CNTNAP2: variants seen among roughly 807,000 people sequenced by gnomAD.
The protein encoded by CNTNAP2 is contactin-associated protein-like 2.
CNTNAP2 carries 98 observed loss-of-function variants against 155.2 expected under a neutral mutation model. The observed-to-expected ratio is 0.63, with a 90% CI of 0.54 to 0.75. The LOEUF (loss-of-function observed/expected upper bound fraction) is 0.75, where lower values mean the gene tolerates loss of function less well. CNTNAP2 is among the 30% of genes least tolerant of loss of function. CNTNAP2 has a pLI of 0.00. For missense variants in CNTNAP2, 1,727 were observed against 1,688.1 expected (o/e 1.02, Z -0.40); for synonymous variants, 651 against 631.2 (o/e 1.03, Z -0.47).
At chr7:147,148,791 G>C (rs1052847066) in intron 8 of CNTNAP2, among the ~76,000 whole-genome samples, 2 of 151,982 alleles carry the variant, frequency 1.3e-5, no homozygotes, top group Non-Finnish European at 1.5e-5. Context: ...CACTGACTTC[G>C]GGAGTGAAGC....
At chr7:147,555,617 C>T (rs1051654615) in intron 11 of CNTNAP2, among the ~76,000 whole-genome samples, 1 of 152,166 alleles carries the variant, frequency 6.6e-6, no homozygotes, top group Non-Finnish European at 1.5e-5. Context: ...CTCTTCTGTA[C>T]AGTCAGGAAG....
intron 14 of CNTNAP2, among the ~76,000 whole-genome samples, chr7:147,916,890 C>A (rs543208995): frequency 1.2e-4 from 19 of 152,128 alleles, no homozygotes; most frequent in Non-Finnish European, 2.5e-4. Context: ...CCCATTACCC[C>A]CTCTTGATAT....
At chr7:147,601,644 A>AAAATATAT (rs1299075338) in intron 12 of CNTNAP2, among the ~76,000 whole-genome samples, 7 of 87,456 alleles carry the variant, frequency 8.0e-5, no homozygotes, top group African/African-American at 2.1e-4. Flanking sequence ...CTTAAAAAAA[A>AAAATATAT]ATATATATAT....
At chr7:147,151,696 AT>A (rs1402262891) in intron 8 of CNTNAP2, among the ~76,000 whole-genome samples, 1 of 152,172 alleles carries the variant, frequency 6.6e-6, no homozygotes, top group Non-Finnish European at 1.5e-5. Flanking sequence ...TAAAAAAAAA[AT>A]CATGTACACA....
intron 2 of CNTNAP2, among the ~76,000 whole-genome samples, chr7:146,826,165 C>T (rs1437456567): frequency 6.6e-6 from 1 of 152,008 alleles, no homozygotes; most frequent in African/African-American, 2.4e-5. Context: ...AAACAATAAA[C>T]TATATTTAGT....
intron 1 of CNTNAP2, among the ~76,000 whole-genome samples, chr7:146,428,577 C>T (rs1206169299): frequency 3.3e-5 from 5 of 151,578 alleles, no homozygotes; most frequent in African/African-American, 1.2e-4. Context: ...GTTCATTGCC[C>T]ACTTTTTAAT....
chr7:146,318,838 T>C (rs565351770), intron 1 of CNTNAP2, among the ~76,000 whole-genome samples: 1 of 152,304 alleles, frequency 6.6e-6, no homozygotes, highest in Non-Finnish European at 1.5e-5. Flanking sequence ...ATAGAAATGT[T>C]ATATATAATA....
At chr7:147,002,248 G>T (rs1393982688) in intron 3 of CNTNAP2, among the ~76,000 whole-genome samples, 2 of 152,024 alleles carry the variant, frequency 1.3e-5, no homozygotes, top group Non-Finnish European at 2.9e-5. Context: ...CTCACATAGA[G>T]ACATGTAATT....
rs887526545 is a variant in CNTNAP2, at chr7:146,775,422, A to G, written c.208+1041A>G. ...ACACCATGTTGTATACTATAAATAT[A>G]TAAATTTTTTGTGACTGCACCTTAA... On this transcript the variant is annotated intron_variant, in intron 2 of 23. Transcript: ENST00000361727. 5.3e-5 allele frequency among the ~76,000 whole-genome samples: 8 copies of G among 152,156 alleles called. No homozygotes were observed. The East Asian group carries it at 1.3e-3, about 26-fold the overall frequency.
chr7:147,931,206 G>GA (rs1554451265), intron 14 of CNTNAP2, among the ~76,000 whole-genome samples: 9 of 112,432 alleles, frequency 8.0e-5, no homozygotes, highest in African/African-American at 3.2e-4. Flanking sequence ...AATAAACAGA[G>GA]TAAAAAAAAA....
intron 15 of CNTNAP2, among the ~76,000 whole-genome samples, chr7:147,989,123 C>G (rs1183081468): frequency 6.6e-6 from 1 of 152,184 alleles, no homozygotes. Flanking sequence ...TTAGAAACCA[C>G]CTGAGATCTT....
At chr7:146,131,366 T>C (rs1350822521) in intron 1 of CNTNAP2, among the ~76,000 whole-genome samples, 2 of 152,230 alleles carry the variant, frequency 1.3e-5, no homozygotes, top group Admixed American at 6.5e-5. Flanking sequence ...TATTTTGATA[T>C]ACAGAGTAAA....
intron 1 of CNTNAP2, among the ~76,000 whole-genome samples, chr7:146,506,108 T>A (rs985972094): frequency 1.3e-5 from 2 of 152,204 alleles, no homozygotes; most frequent in Non-Finnish European, 2.9e-5. Context: ...AGGGGATGAC[T>A]GTATAGGGCA....
intron 13 of CNTNAP2, among the ~76,000 whole-genome samples, chr7:147,743,895 G>A (rs770015405): frequency 2.6e-5 from 4 of 152,020 alleles, no homozygotes; most frequent in Non-Finnish European, 5.9e-5. Flanking sequence ...TTGGTTAGGG[G>A]CCCTGGAGCC....
At chr7:146,975,475 A>G (rs1797892111) in intron 3 of CNTNAP2, among the ~76,000 whole-genome samples, 1 of 152,088 alleles carries the variant, frequency 6.6e-6, no homozygotes, top group Admixed American at 6.6e-5. Context: ...AGAAAAAATA[A>G]TAATAAACAA....
chr7:147,990,746 C>G (rs1416777381), intron 15 of CNTNAP2, among the ~76,000 whole-genome samples: 1 of 152,100 alleles, frequency 6.6e-6, no homozygotes, highest in Non-Finnish European at 1.5e-5. Context: ...GTCAAGAATT[C>G]CCTACTCTTC....
At chr7:147,433,786 A>T (rs1797503717) in intron 10 of CNTNAP2, among the ~76,000 whole-genome samples, 2 of 152,214 alleles carry the variant, frequency 1.3e-5, no homozygotes, top group Non-Finnish European at 2.9e-5. Flanking sequence ...TGAATGTCTA[A>T]AAGAAAGTCA....
At chr7:146,952,181 A>G (rs1320203330) in intron 3 of CNTNAP2, among the ~76,000 whole-genome samples, 1 of 152,206 alleles carries the variant, frequency 6.6e-6, no homozygotes, top group South Asian at 2.1e-4. Flanking sequence ...GAAAAGCTAC[A>G]TGATAATCTC....
At chr7:146,764,812 A>G (rs1390470546) in intron 1 of CNTNAP2, among the ~76,000 whole-genome samples, 1 of 152,164 alleles carries the variant, frequency 6.6e-6, no homozygotes, top group African/African-American at 2.4e-5. Flanking sequence ...TAGACAAACC[A>G]AAATAGAAAA....
Sources: gnomAD v4.1 joint callset for allele counts (sites outside exome capture counted in the v4.1 genomes callset) on GRCh38, gnomAD v4.1.1 for gene constraint, MANE v1.5 for transcripts, NCBI Gene and HGNC (gene_info 2026-07-23, HGNC 2026-07-21) for gene names.